CDIP1: variants seen among roughly 807,000 people sequenced by gnomAD.
The protein encoded by CDIP1 is cell death inducing p53 target 1.
Under a neutral mutation model 17.7 loss-of-function variants are expected in CDIP1, and 9 were observed. That is an observed-to-expected ratio of 0.51 (90% CI 0.31 to 0.89). CDIP1 has a LOEUF of 0.89. Among genes scored for constraint, CDIP1 ranks in the 40% least tolerant of loss-of-function variants. CDIP1 has a pLI of 0.05. For missense variants in CDIP1, 263 were observed against 277.9 expected, an observed-to-expected ratio of 0.95 and a Z score of 0.38; for synonymous variants, 117 against 109.5, an observed-to-expected ratio of 1.07 and a Z score of -0.43.
intron 1 of CDIP1, among the ~76,000 whole-genome samples, chr16:4,521,989 A>G (rs2058954843): frequency 2.0e-5 from 3 of 152,214 alleles, no homozygotes; most frequent in African/African-American, 7.2e-5. Context: ...GAGGAAAACA[A>G]CAGGTATTGA....
intron 1 of CDIP1, among the ~76,000 whole-genome samples, chr16:4,523,581 T>G (rs969499115): frequency 6.6e-6 from 1 of 152,070 alleles, no homozygotes; most frequent in Non-Finnish European, 1.5e-5. Flanking sequence ...GGATGAGCGT[T>G]AAATAATCAC....
At chr16:4,529,686 A>G (rs1468004542) in intron 1 of CDIP1, among the ~76,000 whole-genome samples, 1 of 152,250 alleles carries the variant, frequency 6.6e-6, no homozygotes, top group Non-Finnish European at 1.5e-5. Flanking sequence ...GAGCCCTTAA[A>G]AAAAATCCTT....
At position 4,512,590 on chromosome 16, in the gene CDIP1, C is replaced by T. The variant is rs200797234; in HGVS notation, c.609G>A (p.Thr203=). The change falls in exon 6 of 6, where the codon ACG becomes ACA. Residue 203 remains threonine, a synonymous_variant. Transcript: ENST00000567695. This position sits in a 1 kb window ranked among gnomAD's most constrained non-coding sequence, Gnocchi z 4.6. ...AGCTCCGTTAGCACAGGCGCTTGTA[C>T]GTGTAGATGTAGGCTTTGCAGCTGG... ...TCPSCKAYIY[T]YKRLC is the part of the protein sequence containing the mutation. 32 of 1,613,492 alleles carry T rather than the reference C, an allele frequency of 2.0e-5. No individual in the cohort carries two copies. The South Asian group carries it at 2.6e-4, about 13-fold the overall frequency.
intron 1 of CDIP1, among the ~76,000 whole-genome samples, chr16:4,535,803 G>A (rs936502853): frequency 6.6e-6 from 1 of 152,280 alleles, no homozygotes; most frequent in African/African-American, 2.4e-5. Flanking sequence ...TTCTGGCCCA[G>A]GCCCTAGGCG....
At chr16:4,530,230 T>C (rs2059041152) in intron 1 of CDIP1, among the ~76,000 whole-genome samples, 1 of 152,244 alleles carries the variant, frequency 6.6e-6, no homozygotes, top group South Asian at 2.1e-4. Flanking sequence ...GATGCAACAG[T>C]ATATAGCATA....
chr16:4,522,115 C>T (rs1009168152), intron 1 of CDIP1, among the ~76,000 whole-genome samples: 6 of 152,198 alleles, frequency 3.9e-5, no homozygotes, highest in Non-Finnish European at 7.3e-5. Context: ...AATCAAAACC[C>T]TCCCTAAGAA....
At chr16:4,536,133 C>T (rs186987660) in intron 1 of CDIP1, among the ~76,000 whole-genome samples, 1 of 152,318 alleles carries the variant, frequency 6.6e-6, no homozygotes, top group East Asian at 1.9e-4. Flanking sequence ...TATAAAATGC[C>T]ACAACTTTAA....
intron 1 of CDIP1, among the ~76,000 whole-genome samples, chr16:4,528,132 T>A (rs4786515): frequency 0.54 from 82,377 of 152,160 alleles, 25,760 homozygotes; most frequent in Non-Finnish European, 0.7. Flanking sequence ...TATAGATTTT[T>A]ATTGACATAG....
chr16:4,520,058 G>A (rs1219292740), intron 1 of CDIP1, among the ~76,000 whole-genome samples: 1 of 151,804 alleles, frequency 6.6e-6, no homozygotes, highest in African/African-American at 2.4e-5. Flanking sequence ...CCCAGTCTCA[G>A]GTATTCTGTT....
chr16:4,514,144 C>G lies in CDIP1; in HGVS notation c.-14G>C. Reference sequence around the variant, plus strand: ...CTCGCTGGACATCTTCGCTGCTTCTCCTGGACATGGAGGGAAAACCCAGAC... The same window carrying G: ...CTCGCTGGACATCTTCGCTGCTTCTGCTGGACATGGAGGGAAAACCCAGAC... On this transcript the variant is annotated splice_region_variant and 5_prime_UTR_variant, in exon 3 of 6. Transcript: ENST00000567695. This position sits in a 1 kb window ranked among gnomAD's most constrained non-coding sequence, Gnocchi z 5.2. The G allele has an allele frequency of 6.6e-7, 1 of 1,522,900 alleles. No homozygotes were observed. Among genetic ancestry groups the G allele is most frequent in the Non-Finnish European group, 8.8e-7 (1 of 1,138,676 alleles). 94.3% of individuals were successfully genotyped at this position (1,522,900 alleles called of 1,614,324 possible).
chr16:4,525,120 T>C (rs2058986867), intron 1 of CDIP1, among the ~76,000 whole-genome samples: 1 of 151,806 alleles, frequency 6.6e-6, no homozygotes, highest in South Asian at 2.1e-4. Context: ...CAAAAATATA[T>C]CTCTACAGTT....
chr16:4,528,707 G>T (rs1409061099), intron 1 of CDIP1, among the ~76,000 whole-genome samples: 1 of 59,880 alleles, frequency 1.7e-5, no homozygotes, highest in South Asian at 4.5e-4. Flanking sequence ...AAAAAAAAAA[G>T]GCTGGCCGCG....
chr16:4,537,893 G>A (rs1396914688), intron 1 of CDIP1, among the ~76,000 whole-genome samples: 1 of 152,192 alleles, frequency 6.6e-6, no homozygotes, highest in East Asian at 1.9e-4. Flanking sequence ...CCAGGCCGTC[G>A]CCATCTCCGC....
chr16:4,523,312 G>A (rs940497198), intron 1 of CDIP1, among the ~76,000 whole-genome samples: 1 of 152,126 alleles, frequency 6.6e-6, no homozygotes, highest in African/African-American at 2.4e-5. Context: ...TCCAGAGATC[G>A]AGACCATCCT....
intron 1 of CDIP1, among the ~76,000 whole-genome samples, chr16:4,528,936 C>G (rs1032253059): frequency 1.3e-5 from 2 of 152,132 alleles, no homozygotes; most frequent in Non-Finnish European, 2.9e-5. Flanking sequence ...TTGCAGTAAG[C>G]TGAGGTCGCA....
At chr16:4,530,883 C>T (rs2059049705) in intron 1 of CDIP1, among the ~76,000 whole-genome samples, 2 of 152,012 alleles carry the variant, frequency 1.3e-5, no homozygotes, top group Non-Finnish European at 2.9e-5. Context: ...TAGGTTGGTA[C>T]AAAAGTAATT....
Position 4,514,038 on chromosome 16 carries a change from C to A in CDIP1, c.85+8G>T, listed in dbSNP as rs28504548. 2.7e-6 allele frequency: 4 copies of A among 1,494,866 alleles called. No homozygotes were observed. Among genetic ancestry groups the A allele is most frequent in the East Asian group, 2.6e-5 (1 of 38,320 alleles). The allele number at this position is 1,494,866 out of a possible 1,614,324, so 92.6% of individuals were successfully genotyped here. A position where few individuals can be genotyped will look rare whatever the true frequency, so the allele number is the denominator to read the frequency against. On this transcript the variant is annotated splice_region_variant and intron_variant, in intron 3 of 5. Coordinates refer to ENST00000567695, the MANE Select transcript of CDIP1 (RefSeq NM_013399.3). The surrounding 1 kb of genome is among the most constrained non-coding windows in gnomAD (Gnocchi z 5.2). ...CAATATGGAGCCTCAGGAACAGTGA[C>A]CCCCTACCTGGGGTGGGCGGGGCTC...
Position 4,535,907 on chromosome 16 carries a change from CAG to C in CDIP1, c.-105+2793_-105+2794del, listed in dbSNP as rs2059101968. Among the ~76,000 whole-genome samples, 6 of 152,300 alleles carry C rather than the reference CAG, an allele frequency of 3.9e-5. No individual in the cohort carries two copies. The South Asian group carries it at 8.3e-4, about 21-fold the overall frequency. On this transcript the variant is annotated intron_variant, in intron 1 of 5. Coordinates refer to ENST00000567695, the MANE Select transcript of CDIP1 (RefSeq NM_013399.3). ...ACTCCTGACTAGGCAGAGACAGAAA[CAG>C]AAACTTTTTGTGGGATCCTAGAAAG...
intron 1 of CDIP1, among the ~76,000 whole-genome samples, chr16:4,523,520 GA>G (rs963427237): frequency 6.7e-6 from 1 of 150,054 alleles, no homozygotes; most frequent in Non-Finnish European, 1.5e-5. Flanking sequence ...CTCAAAGAAA[GA>G]AAAAAAAAGA....
Sources: allele counts gnomAD v4.1 joint callset (sites outside exome capture counted in the v4.1 genomes callset), GRCh38; gene constraint gnomAD v4.1.1; non-coding constraint Gnocchi (gnomAD v3.1); transcripts MANE v1.5; gene names NCBI Gene and HGNC (gene_info 2026-07-23, HGNC 2026-07-21).